The following HIRA variants were observed in gnomAD, a reference collection of about 807,000 sequenced individuals.
HIRA encodes histone cell cycle regulator.
HIRA carries 13 observed loss-of-function variants against 126.6 expected under a neutral mutation model. The ratio of observed to expected loss-of-function variants is 0.10; its 90% CI spans 0.07 to 0.16. The LOEUF (loss-of-function observed/expected upper bound fraction) is 0.16, where lower values mean the gene tolerates loss of function less well. Ranked by LOEUF, HIRA falls within the 10% of genes least tolerant of loss-of-function variation. The probability of loss-of-function intolerance (pLI) is 1.00; values close to 1 mark genes in which losing one functional copy is unlikely to be tolerated. For synonymous variants in HIRA, 511 were observed against 520.0 expected (o/e 0.98, Z 0.24); for missense variants, 834 against 1,314.4 (o/e 0.63, Z 5.65).
chr22:19,379,299 ACCGTG>A (rs1166298910), intron 13 of HIRA, among the ~76,000 whole-genome samples: 1 of 150,954 alleles, frequency 6.6e-6, no homozygotes, highest in Non-Finnish European at 1.5e-5. Context: ...GGTGTGAGCC[ACCGTG>A]CCCGGCCGGC....
intron 1 of HIRA, among the ~76,000 whole-genome samples, chr22:19,418,848 C>T (rs1260634662): frequency 6.6e-6 from 1 of 152,002 alleles, no homozygotes; most frequent in East Asian, 1.9e-4. Flanking sequence ...TTGGGAGAAA[C>T]TGGACTAAGT....
chr22:19,335,745 T>A (rs1472955997), intron 24 of HIRA, among the ~76,000 whole-genome samples: 2 of 152,202 alleles, frequency 1.3e-5, no homozygotes, highest in Non-Finnish European at 2.9e-5. Context: ...TATAGCAAAG[T>A]ATCTAAATTA....
intron 24 of HIRA, among the ~76,000 whole-genome samples, chr22:19,334,099 C>G (rs968595606): frequency 3.3e-5 from 5 of 151,864 alleles, no homozygotes; most frequent in Admixed American, 6.5e-5. Context: ...CTCAGCCTCC[C>G]GAGTAGCTGG....
chr22:19,380,622 T>C (rs534272916), intron 13 of HIRA, among the ~76,000 whole-genome samples: 1 of 152,318 alleles, frequency 6.6e-6, no homozygotes, highest in East Asian at 1.9e-4. Context: ...TTTATTTATT[T>C]ATTTATTTGA....
chr22:19,421,976 C>G (rs891103208), intron 1 of HIRA, among the ~76,000 whole-genome samples: 5 of 151,838 alleles, frequency 3.3e-5, no homozygotes, highest in Non-Finnish European at 2.9e-5. Context: ...CCGGCCTGTT[C>G]TATCTTATCT....
At chr22:19,337,482 G>T (rs969234210) in intron 24 of HIRA, among the ~76,000 whole-genome samples, 21 of 151,900 alleles carry the variant, frequency 1.4e-4, no homozygotes, top group African/African-American at 4.6e-4. Context: ...TTAAAAAAAT[G>T]AACAAAGCCT....
At chr22:19,422,804 C>A (rs1298843218) in intron 1 of HIRA, among the ~76,000 whole-genome samples, 2 of 152,190 alleles carry the variant, frequency 1.3e-5, no homozygotes, top group Admixed American at 6.5e-5. Flanking sequence ...GCAGCCCCAA[C>A]AGCTCCCTGT....
At position 19,361,796 on chromosome 22, in the gene HIRA, T is replaced by C. The variant is rs1234264550; in HGVS notation, c.1911A>G (p.Thr637=). ...SKRKLELEVE[T]VEKKKKGRPR... ...GCCGCCCTTTCTTCTTCTTCTCTAC[T>C]GTCTCTACCTCAAGCTCAAGTTTTC... Residue 637 remains threonine, a synonymous_variant, in exon 16 of 25, where the codon ACA becomes ACG. Transcript: ENST00000263208. 1.2e-6 allele frequency: 2 copies of C among 1,613,904 alleles called. No individual in the cohort carries two copies. Among genetic ancestry groups the C allele is most frequent in the East Asian group, 2.2e-5 (1 of 44,896 alleles).
At chr22:19,374,284 A>T (rs1245369115) in intron 15 of HIRA, among the ~76,000 whole-genome samples, 1 of 152,044 alleles carries the variant, frequency 6.6e-6, no homozygotes, top group Non-Finnish European at 1.5e-5. Context: ...CAGTGAGCAG[A>T]GTGGCTAGGA....
chr22:19,340,106 G>A (rs2088610220), intron 24 of HIRA, among the ~76,000 whole-genome samples: 1 of 152,070 alleles, frequency 6.6e-6, no homozygotes, highest in African/African-American at 2.4e-5. Flanking sequence ...GGTGAACATA[G>A]ATGCAAAAAT....
chr22:19,377,916 C>T lies in HIRA; in HGVS notation c.1566G>A (p.Val522=). The change falls in exon 14 of 25, where the codon GTG becomes GTA. Residue 522 remains valine, a synonymous_variant. Transcript: ENST00000263208. The stretch of plus-strand genomic sequence containing the variant: ...CTGCAGGTCTGGCACTGGCAGCCAC[C>T]ACAGGCTCTGTGCAAGGCTTCGAGG... The part of the protein sequence containing the change: ...FGASKPCTEP[V]VAASARPAGD... The T allele has an allele frequency of 3.1e-6, 5 of 1,613,694 alleles. No homozygotes were observed. The highest frequency in any genetic ancestry group is 4.2e-6 in the Non-Finnish European group (5 of 1,179,844).
At chr22:19,334,010 T>C (rs1298069194) in intron 24 of HIRA, among the ~76,000 whole-genome samples, 2 of 152,038 alleles carry the variant, frequency 1.3e-5, no homozygotes, top group Non-Finnish European at 2.9e-5. Flanking sequence ...AGCCTCGATC[T>C]GTCGCCCAGG....
At chr22:19,361,413 C>CT in intron 16 of HIRA, 72 bp from the exon 17 acceptor site, 4 of 1,323,998 alleles carry the variant, frequency 3.0e-6, no homozygotes, top group Non-Finnish European at 4.3e-6. Context: ...GGCAGGTCAC[C>CT]CAGAAGTGAG....
At chr22:19,339,044 A>G (rs1239148950) in intron 24 of HIRA, among the ~76,000 whole-genome samples, 2 of 152,374 alleles carry the variant, frequency 1.3e-5, no homozygotes, top group Admixed American at 1.3e-4. Flanking sequence ...GAAAGACCAT[A>G]TGATAGGCCA....
rs551183024 is a variant in HIRA at position 19,352,971 on chromosome 22, C to T, written c.2848+385G>A. Among the ~76,000 whole-genome samples the T allele has an allele frequency of 2.0e-5, 3 of 152,386 alleles. No homozygotes were observed. In the East Asian group the frequency reaches 5.8e-4, roughly 29 times the overall value. ...GGACATCAGGCAAGCCTGTCCAGGG[C>T]AGGAAGGGCTGGGAGGAGGAAGAGA... On this transcript the variant is annotated intron_variant, in intron 23 of 24. Coordinates refer to ENST00000263208, the MANE Select transcript of HIRA (RefSeq NM_003325.4).
chr22:19,422,735 C>T (rs2146257915), intron 1 of HIRA, among the ~76,000 whole-genome samples: 1 of 152,322 alleles, frequency 6.6e-6, no homozygotes, highest in East Asian at 1.9e-4. Context: ...TGGTATCATG[C>T]CCAGGTCCCT....
chr22:19,407,152 A>G (rs187330793), intron 4 of HIRA, 32 bp downstream of exon 4: 1 of 1,564,736 alleles, frequency 6.4e-7, no homozygotes, highest in Admixed American at 1.7e-5. Context: ...GCTTCTAAAA[A>G]TAAAATGTGA....
At chr22:19,420,927 C>T (rs1341995439) in intron 1 of HIRA, among the ~76,000 whole-genome samples, 3 of 152,176 alleles carry the variant, frequency 2.0e-5, no homozygotes, top group Non-Finnish European at 4.4e-5. Flanking sequence ...GCTACATTTC[C>T]ATAGTGGGAA....
intron 6 of HIRA, 36 bp from the exon 7 acceptor site, chr22:19,396,983 T>C: frequency 6.2e-7 from 1 of 1,603,856 alleles, no homozygotes; most frequent in Non-Finnish European, 8.5e-7. Flanking sequence ...AGGTGTTGTC[T>C]GAGGGAAACA....
Sources: allele counts gnomAD v4.1 joint callset (sites outside exome capture counted in the v4.1 genomes callset), GRCh38; gene constraint gnomAD v4.1.1; transcripts MANE v1.5; gene names NCBI Gene and HGNC (gene_info 2026-07-23, HGNC 2026-07-21).